Variants in HECTD4 observed in about 807,000 individuals in gnomAD.
HECTD4 encodes the protein HECT domain E3 ubiquitin protein ligase 4, also known as probable E3 ubiquitin-protein ligase HECTD4.
Under a neutral mutation model 471.5 loss-of-function variants are expected in HECTD4, and 114 were observed. That is an observed-to-expected ratio of 0.24 (90% confidence interval 0.21 to 0.28). HECTD4 has a LOEUF of 0.28. Ranked by LOEUF, HECTD4 falls within the 10% of genes least tolerant of loss-of-function variation. The probability of loss-of-function intolerance (pLI) is 1.00; values close to 1 mark genes in which losing one functional copy is unlikely to be tolerated. For synonymous variants in HECTD4, 2,012 were observed against 2,256.0 expected, an observed-to-expected ratio of 0.89 and a Z score of 3.07; for missense variants, 3,866 against 5,651.5, an observed-to-expected ratio of 0.68 and a Z score of 10.13.
intron 38 of HECTD4, among the ~76,000 whole-genome samples, chr12:112,232,022 A>G (rs1055633751): frequency 9.9e-5 from 15 of 152,008 alleles, no homozygotes; most frequent in Non-Finnish European, 4.4e-5. Context: ...TTCCACATCA[A>G]TACACAGAGA....
In HECTD4 at chr12:112,243,675, T is replaced by C. The variant is rs767943241; in HGVS notation, c.4736A>G (p.Tyr1579Cys). The C allele has an allele frequency of 1.2e-6, 2 of 1,613,514 alleles. No homozygotes were observed. Among genetic ancestry groups the C allele is most frequent in the Non-Finnish European group, 1.7e-6 (2 of 1,179,638 alleles). The stretch of plus-strand genomic sequence containing the variant: ...AAACAGCTGCCCTAGCAGGACACTG[T>C]AGGTGGGCTTGTCCCTGCTGTCCTC... Reference protein sequence around the residue: ...AIEDSRDKPTYSVLLGQLFAF... With the variant: ...AIEDSRDKPTCSVLLGQLFAF... Residue 1579 changes from tyrosine (Y) to cysteine (C), a missense_variant, in exon 31 of 76, where the codon TAC becomes TGC. This residue lies in a region of HECTD4 where 229 missense variants were observed against 386.4 expected (regional missense o/e 0.59). Transcript: ENST00000682272. This position sits in a 1 kb window ranked among gnomAD's most constrained non-coding sequence, Gnocchi z 6.6.
rs1021795508 is a variant in HECTD4 at position 112,200,705 on chromosome 12, C to A, written c.8500G>T (p.Ala2834Ser). The stretch of plus-strand genomic sequence containing the variant: ...TTGGTGGCAGTCCTTCGGTAGCCTG[C>A]TGGGGGCCTTTCCAACATGTCAATA... ...YPIDMLERPP[A>S]GYRRTATNGL... Residue 2834 changes from alanine (A) to serine (S), a missense_variant, in exon 55 of 76, where the codon GCA (alanine) becomes TCA (serine). This residue lies in a region of HECTD4 where 266 missense variants were observed against 441.6 expected (regional missense o/e 0.60). Transcript: ENST00000682272. The A allele has an allele frequency of 1.2e-5, 20 of 1,613,858 alleles. No individual in the cohort carries two copies. Among genetic ancestry groups the A allele is most frequent in the Non-Finnish European group, 1.7e-5 (20 of 1,179,878 alleles).
chr12:112,311,537 C>T (rs1488195297), intron 4 of HECTD4, among the ~76,000 whole-genome samples: 1 of 149,520 alleles, frequency 6.7e-6, no homozygotes, highest in East Asian at 2.0e-4. Context: ...GGTGGAAGGA[C>T]TGCTTGAGCC....
intron 53 of HECTD4, among the ~76,000 whole-genome samples, 193 bp from the exon 54 acceptor site, chr12:112,203,965 T>C (rs896006961): frequency 1.3e-5 from 2 of 152,220 alleles, no homozygotes. Flanking sequence ...GTCTGGAAGG[T>C]AATATAATAG....
chr12:112,309,696 T>A, intron 4 of HECTD4, 27 bp from the exon 5 acceptor site: 1 of 1,056,098 alleles, frequency 9.5e-7, no homozygotes, highest in Non-Finnish European at 1.4e-6. Context: ...ACAGGTAAAT[T>A]ATATATATGT....
intron 7 of HECTD4, among the ~76,000 whole-genome samples, chr12:112,283,673 T>C (rs549153955): frequency 1.3e-5 from 2 of 152,342 alleles, no homozygotes; most frequent in South Asian, 2.1e-4. Context: ...ACTATGAGGA[T>C]AATGTCTTCT....
At chr12:112,279,449 A>T in intron 8 of HECTD4, 63 bp from the exon 9 acceptor site, 1 of 1,420,598 alleles carries the variant, frequency 7.0e-7, no homozygotes, top group Non-Finnish European at 9.6e-7. Flanking sequence ...TTGATTACCA[A>T]CACAGATTAG....
chr12:112,353,390 G>A (rs373181427), intron 1 of HECTD4, among the ~76,000 whole-genome samples: 158 of 152,264 alleles, frequency 1.0e-3, no homozygotes, highest in African/African-American at 3.6e-3. Context: ...ATTAACCCAT[G>A]TACAGACTAT....
intron 43 of HECTD4, 65 bp from the exon 44 acceptor site, chr12:112,226,823 G>A: frequency 1.7e-6 from 2 of 1,187,160 alleles, no homozygotes; most frequent in African/African-American, 1.5e-5. Flanking sequence ...AAAGTCAACT[G>A]TGAAAAACAT....
intron 18 of HECTD4, among the ~76,000 whole-genome samples, chr12:112,260,647 G>C (rs2034124685): frequency 6.6e-6 from 1 of 151,728 alleles, no homozygotes; most frequent in South Asian, 2.1e-4. Context: ...GATGATCTCG[G>C]CTCACTGCAA....
At position 112,160,697 on chromosome 12, in the gene HECTD4, A is replaced by C. The variant is rs2030658710; in HGVS notation, c.*1690T>G. The C allele has an allele frequency of 6.6e-6, 1 of 152,196 alleles. No homozygotes were observed. The highest frequency in any genetic ancestry group is 1.9e-4 in the East Asian group (1 of 5,202). The allele number at this position is 152,196 out of a possible 1,614,324, so 9.4% of individuals were successfully genotyped here. A position where few individuals can be genotyped will look rare whatever the true frequency, so the allele number is the denominator to read the frequency against. The stretch of plus-strand genomic sequence containing the variant: ...TAGGGAGGAAAAACCACTTCTAATA[A>C]ATCGAAAGGCTCTTTCATTATGCAG... On this transcript the variant is annotated 3_prime_UTR_variant, in exon 76 of 76. Coordinates refer to ENST00000682272, the MANE Select transcript of HECTD4 (RefSeq NM_001388303.1).
chr12:112,216,193 C>G (rs2032911218), intron 48 of HECTD4, 99 bp downstream of exon 48: 1 of 780,450 alleles, frequency 1.3e-6, no homozygotes, highest in Non-Finnish European at 2.2e-6. Context: ...GACAAACTGC[C>G]CATTTCCAAT....
rs1256688553 is a variant in HECTD4, at chr12:112,343,293, A to G, written c.178-23551T>C. 2.0e-5 allele frequency among the ~76,000 whole-genome samples: 3 copies of G among 152,202 alleles called. No homozygotes were observed. In the East Asian group the frequency reaches 5.8e-4, roughly 29 times the overall value. On this transcript the variant is annotated intron_variant, in intron 1 of 75. Transcript: ENST00000682272. ...AGCATTCTTTCAAAACTATCCTTCA[A>G]ATTATTTGACATTCTATTTCTTTGA...
rs923353639 is a variant in HECTD4 at position 112,163,893 on chromosome 12, G to A, written c.12702-156C>T. On this transcript the variant is annotated intron_variant, in intron 73 of 75. Transcript: ENST00000682272. The surrounding 1 kb of genome is among the most constrained non-coding windows in gnomAD (Gnocchi z 8.2). ...CCAGTCCTTTCCTGCCTCTGGTGCC[G>A]CCGCCTCAGAGCTGCTGTTTTCTTA... 1.3e-5 allele frequency among the ~76,000 whole-genome samples: 2 copies of A among 152,166 alleles called. No individual in the cohort carries two copies. The highest frequency in any genetic ancestry group is 2.4e-5 in the African/African-American group (1 of 41,450).
intron 14 of HECTD4, 53 bp downstream of exon 14, chr12:112,266,859 T>C (rs1020780013): frequency 2.2e-6 from 2 of 892,614 alleles, no homozygotes; most frequent in Non-Finnish European, 3.6e-6. Flanking sequence ...AGTTGTTTCC[T>C]TGGGGACAAA....
At chr12:112,326,444 G>A (rs2035747392) in intron 1 of HECTD4, among the ~76,000 whole-genome samples, 1 of 152,138 alleles carries the variant, frequency 6.6e-6, no homozygotes, top group Non-Finnish European at 1.5e-5. Context: ...AGTGAGCTAT[G>A]ATTGCACCAC....
intron 1 of HECTD4, among the ~76,000 whole-genome samples, chr12:112,364,407 T>C (rs563554943): frequency 1.3e-4 from 17 of 134,080 alleles, no homozygotes; most frequent in Non-Finnish European, 2.5e-4. Context: ...ACTCTCTCTC[T>C]CAAAAAAAAA....
intron 7 of HECTD4, chr12:112,301,794 C>G: frequency 3.8e-6 from 2 of 531,666 alleles, no homozygotes; most frequent in Non-Finnish European, 6.5e-6. Flanking sequence ...ATTTCTTCAG[C>G]TAGCTGTTTT....
chr12:112,321,084 TC>T (rs2035576710), intron 1 of HECTD4, among the ~76,000 whole-genome samples: 1 of 152,058 alleles, frequency 6.6e-6, no homozygotes, highest in South Asian at 2.1e-4. Context: ...CCTCAGGTGA[TC>T]TGCCCACCTC....
Sources: gnomAD v4.1 joint callset for allele counts (sites outside exome capture counted in the v4.1 genomes callset) on GRCh38, gnomAD v4.1.1 for gene constraint, gnomAD v4.1.1 regional missense constraint, Gnocchi (gnomAD v3.1) non-coding constraint, MANE v1.5 for transcripts, NCBI Gene and HGNC (gene_info 2026-07-23, HGNC 2026-07-21) for gene names.